Variants in BIN1 observed in about 807,000 individuals in gnomAD.
The protein encoded by BIN1 is myc box-dependent-interacting protein 1.
Under a neutral mutation model 82.0 loss-of-function variants are expected in BIN1, and 53 were observed. The observed-to-expected ratio is 0.65, with a 90% CI of 0.52 to 0.81. The LOEUF (loss-of-function observed/expected upper bound fraction) is 0.81, where lower values mean the gene tolerates loss of function less well. Among genes scored for constraint, BIN1 ranks in the 40% least tolerant of loss-of-function variants. BIN1 has a pLI of 0.00. For missense variants in BIN1, 642 were observed against 784.4 expected, an observed-to-expected ratio of 0.82 and a Z score of 2.17; for synonymous variants, 302 against 328.0, an observed-to-expected ratio of 0.92 and a Z score of 0.86.
intron 17 of BIN1, 136 bp from the exon 18 acceptor site, chr2:127,050,658 G>T (rs1320782746): frequency 3.8e-6 from 5 of 1,308,216 alleles, no homozygotes; most frequent in African/African-American, 1.5e-5. Flanking sequence ...ACAGTATGGG[G>T]CTCAGATGCC....
chr2:127,048,750 G>C, intron 18 of BIN1, 117 bp from the exon 19 acceptor site: 1 of 898,600 alleles, frequency 1.1e-6, no homozygotes. Context: ...TGGTGCCTCA[G>C]CCTGCCAAGC....
chr2:127,083,028 C>A (rs1199450915), intron 1 of BIN1, among the ~76,000 whole-genome samples: 3 of 151,970 alleles, frequency 2.0e-5, no homozygotes, highest in Non-Finnish European at 2.9e-5. Flanking sequence ...ACCCTTCACC[C>A]AGATTCACCA....
intron 1 of BIN1, among the ~76,000 whole-genome samples, chr2:127,080,016 T>A (rs143474080): frequency 6.6e-6 from 1 of 152,276 alleles, no homozygotes; most frequent in East Asian, 1.9e-4. Context: ...ATGGGAGGAA[T>A]AACAAGGCCA....
chr2:127,097,672 G>A (rs539953154), intron 1 of BIN1, among the ~76,000 whole-genome samples: 6 of 152,256 alleles, frequency 3.9e-5, no homozygotes, highest in South Asian at 2.1e-4. Context: ...CCCCTCACCC[G>A]CAACCCAGGA....
rs1187515545 is a variant in BIN1, at chr2:127,069,012, C to T, written c.431G>A (p.Gly144Glu). Residue 144 changes from glycine (G) to glutamate (E), a missense_variant, in exon 6 of 19, where the codon GGG (glycine) becomes GAG (glutamate). Physicochemically the swap from Gly to Glu is moderately conservative, Grantham distance 98. Transcript: ENST00000316724. Reference sequence around the variant, plus strand: ...ACTGTCGTAGTCCACCAGCTTGCGCCCCCGCTTGGCAATGCGTGACTGGGG... The same window carrying T: ...ACTGTCGTAGTCCACCAGCTTGCGCTCCCGCTTGGCAATGCGTGACTGGGG... ...PDIKSRIAKR[G>E]RKLVDYDSAR... 1 of 1,614,150 alleles carries T rather than the reference C, an allele frequency of 6.2e-7. No homozygotes were observed. Among genetic ancestry groups the T allele is most frequent in the South Asian group, 1.1e-5 (1 of 91,086 alleles).
chr2:127,060,861 G>A (rs1316958209), intron 10 of BIN1, among the ~76,000 whole-genome samples: 1 of 152,202 alleles, frequency 6.6e-6, no homozygotes, highest in Non-Finnish European at 1.5e-5. Flanking sequence ...TGCTAACAGG[G>A]CCTGGTGAGG....
chr2:127,084,901 C>T lies in BIN1; in HGVS notation c.85-8195G>A, dbSNP rs77262456. On this transcript the variant is annotated intron_variant, in intron 1 of 18. Coordinates refer to ENST00000316724, the MANE Select transcript of BIN1 (RefSeq NM_139343.3). ...CAAGGGGCAGCTTCCTGGTCTCATC[C>T]AGCCCAGGGAAACTCTCTTCCTCCT... Among the ~76,000 whole-genome samples, 357 of 152,348 alleles carry T rather than the reference C, an allele frequency of 2.3e-3. 2 individuals carry two copies. The highest frequency in any genetic ancestry group is 8.3e-3 in the African/African-American group (345 of 41,578).
intron 11 of BIN1, among the ~76,000 whole-genome samples, chr2:127,058,727 A>G (rs1056683614): frequency 5.3e-5 from 8 of 151,290 alleles, no homozygotes; most frequent in Non-Finnish European, 1.0e-4. Context: ...AGATGGAGAA[A>G]GAGTCAAGCA....
intron 2 of BIN1, among the ~76,000 whole-genome samples, chr2:127,073,761 C>T (rs1411866605): frequency 6.6e-6 from 1 of 152,234 alleles, no homozygotes; most frequent in Non-Finnish European, 1.5e-5. Context: ...GACAGACAAA[C>T]AGCAATGACA....
chr2:127,085,215 G>A (rs1485840625), intron 1 of BIN1, among the ~76,000 whole-genome samples: 1 of 152,228 alleles, frequency 6.6e-6, no homozygotes, highest in Non-Finnish European at 1.5e-5. Flanking sequence ...AAGTGGCCCA[G>A]GTTCCTGCTG....
intron 11 of BIN1, 152 bp downstream of exon 11, chr2:127,058,859 A>C (rs1684057126): frequency 8.1e-7 from 1 of 1,235,642 alleles, no homozygotes; most frequent in Non-Finnish European, 1.1e-6. Context: ...AAGGAGACCC[A>C]GGTCCAGGCC....
chr2:127,048,933 C>G (rs993812752), intron 18 of BIN1, among the ~76,000 whole-genome samples: 1 of 152,200 alleles, frequency 6.6e-6, no homozygotes, highest in African/African-American at 2.4e-5. Flanking sequence ...TTCCAGGATT[C>G]CAGGCTTCTC....
intron 1 of BIN1, among the ~76,000 whole-genome samples, chr2:127,089,602 A>G (rs1678643621): frequency 6.6e-6 from 1 of 152,070 alleles, no homozygotes; most frequent in African/African-American, 2.4e-5. Flanking sequence ...TGGACTGGAC[A>G]CACCCCACCG....
Position 127,076,767 on chromosome 2 carries a change from G to A in BIN1, c.85-61C>T, listed in dbSNP as rs1003446297. On this transcript the variant is annotated intron_variant, in intron 1 of 18. Transcript: ENST00000316724. ...TTGGAAAGGAGAGTGGTCAAACCAA[G>A]AGTGCTCAGTCACCAACAGCACAGA... The A allele has an allele frequency of 4.5e-5, 72 of 1,585,576 alleles. No individual in the cohort carries two copies. The East Asian group carries it at 1.6e-3, about 35-fold the overall frequency.
intron 1 of BIN1, among the ~76,000 whole-genome samples, chr2:127,077,077 C>A (rs1426317618): frequency 6.6e-6 from 1 of 152,166 alleles, no homozygotes; most frequent in Non-Finnish European, 1.5e-5. Flanking sequence ...AAAAGTGAGC[C>A]ACGCAGGGGA....
Position 127,099,747 on chromosome 2 carries a change from C to T in BIN1, c.84+7113G>A, listed in dbSNP as rs564794138. On this transcript the variant is annotated intron_variant, in intron 1 of 18. Coordinates refer to ENST00000316724, the MANE Select transcript of BIN1 (RefSeq NM_139343.3). ...CAGGATGGTCTCGATCTCTTGACCT[C>T]GTGATCCGCCCGCCTCGGCCTCCCA... 4.8e-4 allele frequency among the ~76,000 whole-genome samples: 72 copies of T among 150,812 alleles called. No individual in the cohort carries two copies. In the South Asian group the frequency reaches 0.013, roughly 27 times the overall value.
rs115217464 is a variant in BIN1, at chr2:127,057,802, C to T, written c.1003-201G>A. 8.4e-4 allele frequency among the ~76,000 whole-genome samples: 128 copies of T among 151,982 alleles called. No individual in the cohort carries two copies. The highest frequency in any genetic ancestry group is 1.3e-3 in the Non-Finnish European group (86 of 67,956). On this transcript the variant is annotated intron_variant, in intron 11 of 18. Coordinates refer to ENST00000316724, the MANE Select transcript of BIN1 (RefSeq NM_139343.3). This position sits in a 1 kb window ranked among gnomAD's most constrained non-coding sequence, Gnocchi z 5.0. ...AGACACCAAGACCCCAGGCCACCCC[C>T]GAGAGGGACACTGAGGCAGGCGGTC...
chr2:127,053,861 C>A, intron 13 of BIN1, 44 bp downstream of exon 13: 1 of 1,539,968 alleles, frequency 6.5e-7, no homozygotes, highest in Non-Finnish European at 8.8e-7. Context: ...GGGTTGGGCA[C>A]CTGGAAGCTG....
chr2:127,075,853 C>T (rs1686534097), intron 2 of BIN1, among the ~76,000 whole-genome samples: 1 of 146,562 alleles, frequency 6.8e-6, no homozygotes, highest in Admixed American at 6.7e-5. Flanking sequence ...CAGAATGCTC[C>T]CAGTTGTTCC....
Sources: gnomAD v4.1 joint callset for allele counts (sites outside exome capture counted in the v4.1 genomes callset) on GRCh38, gnomAD v4.1.1 for gene constraint, Gnocchi (gnomAD v3.1) non-coding constraint, MANE v1.5 for transcripts, NCBI Gene and HGNC (gene_info 2026-07-23, HGNC 2026-07-21) for gene names.